Variants in RASSF6 observed in about 807,000 individuals in gnomAD.
RASSF6 encodes Ras association domain family member 6.
Under a neutral mutation model 44.0 loss-of-function variants are expected in RASSF6, and 52 were observed. The observed-to-expected ratio is 1.18, with a 90% confidence interval of 0.95 to 1.49. RASSF6 has a LOEUF of 1.49. RASSF6 is among the 40% of genes most tolerant of loss of function. RASSF6 has a pLI of 0.00. For synonymous variants in RASSF6, 162 were observed against 124.6 expected, an observed-to-expected ratio of 1.30 and a Z score of -2.00; for missense variants, 464 against 393.3, an observed-to-expected ratio of 1.18 and a Z score of -1.52.
chr4:73,618,222 A>C (rs1036851805), intron 1 of RASSF6, among the ~76,000 whole-genome samples: 1 of 152,072 alleles, frequency 6.6e-6, no homozygotes, highest in African/African-American at 2.4e-5. Flanking sequence ...AATAGTTTAT[A>C]ATAAAATGTT....
chr4:73,602,408 C>T (rs923793260), intron 2 of RASSF6, among the ~76,000 whole-genome samples: 3 of 152,292 alleles, frequency 2.0e-5, no homozygotes, highest in African/African-American at 7.2e-5. Flanking sequence ...TGTGCCATGT[C>T]TATAGAAGGT....
At chr4:73,614,497 G>C (rs1279987912) in intron 1 of RASSF6, among the ~76,000 whole-genome samples, 1 of 152,196 alleles carries the variant, frequency 6.6e-6, no homozygotes, top group Non-Finnish European at 1.5e-5. Flanking sequence ...GAACCAGACA[G>C]CTTGCTTCCC....
chr4:73,574,371 GC>G lies in RASSF6; in HGVS notation c.*1863del, dbSNP rs756498702. On this transcript the variant is annotated 3_prime_UTR_variant, in exon 11 of 11. Coordinates refer to ENST00000307439, the MANE Select transcript of RASSF6 (RefSeq NM_177532.5). ...AAGCCCCAAGTCCCTCTGCATATCT[GC>G]CCACCTGCCTCAGCTGGTCCACACC... The G allele has an allele frequency of 6.6e-6, 1 of 152,434 alleles. No individual in the cohort carries two copies. The highest frequency in any genetic ancestry group is 1.5e-5 in the Non-Finnish European group (1 of 68,318). 9.4% of individuals were successfully genotyped at this position (152,434 alleles called of 1,614,324 possible). A position where few individuals can be genotyped will look rare whatever the true frequency, so the allele number is the denominator to read the frequency against.
chr4:73,613,265 C>T (rs373312632), intron 1 of RASSF6, among the ~76,000 whole-genome samples: 14 of 152,326 alleles, frequency 9.2e-5, no homozygotes, highest in African/African-American at 2.9e-4. Flanking sequence ...GACACAGAAG[C>T]TTAGTCACCA....
chr4:73,579,446 A>G (rs1723460985), intron 8 of RASSF6, among the ~76,000 whole-genome samples: 1 of 152,204 alleles, frequency 6.6e-6, no homozygotes, highest in African/African-American at 2.4e-5. Flanking sequence ...AGCCATGGGT[A>G]GAATCATTTT....
rs772032970 is a variant in RASSF6 at position 73,576,722 on chromosome 4, C to T, written c.731G>A (p.Arg244Gln). The T allele has an allele frequency of 1.8e-5, 28 of 1,596,052 alleles. No individual in the cohort carries two copies. The highest frequency in any genetic ancestry group is 6.7e-5 in the African/African-American group (5 of 74,340). ...HIIFATGEQR[R>Q]LKKTDIPLLQ... Reference sequence around the variant, plus strand: ...TAGCGGAATGTCTGTCTTCTTTAGTCGTCTTTGTTCTGCAGTGAAAACAAG... The same window carrying T: ...TAGCGGAATGTCTGTCTTCTTTAGTTGTCTTTGTTCTGCAGTGAAAACAAG... The change falls in exon 9 of 11, where the codon CGA becomes CAA. Residue 244 changes from arginine to glutamine, a missense_variant. Coordinates refer to ENST00000307439, the MANE Select transcript of RASSF6 (RefSeq NM_177532.5).
intron 2 of RASSF6, among the ~76,000 whole-genome samples, chr4:73,600,806 C>T (rs1725234721): frequency 6.6e-6 from 1 of 152,130 alleles, no homozygotes. Flanking sequence ...TGTTAATGAA[C>T]ATGTCTCTTC....
At chr4:73,606,968 C>G (rs565958212) in intron 2 of RASSF6, among the ~76,000 whole-genome samples, 1 of 152,156 alleles carries the variant, frequency 6.6e-6, no homozygotes, top group Non-Finnish European at 1.5e-5. Flanking sequence ...AACCTGAGCA[C>G]GAGCCTGAAA....
At position 73,574,038 on chromosome 4, in the gene RASSF6, C is replaced by T. The variant is rs1723066872; in HGVS notation, c.*2197G>A. 1 of 152,392 alleles carries T rather than the reference C, an allele frequency of 6.6e-6. No individual in the cohort carries two copies. Among genetic ancestry groups the T allele is most frequent in the East Asian group, 1.9e-4 (1 of 5,190 alleles). The allele number at this position is 152,392 out of a possible 1,614,324, so 9.4% of individuals were successfully genotyped here. A position where few individuals can be genotyped will look rare whatever the true frequency, so the allele number is the denominator to read the frequency against. On this transcript the variant is annotated 3_prime_UTR_variant, in exon 11 of 11. Transcript: ENST00000307439. ...GTTGCCTGTAGGGTGCAGCTTTCTC[C>T]AGCATTTCTCCACTTGCTTCTCTAG...
At chr4:73,577,165 G>T (rs562049996) in intron 8 of RASSF6, among the ~76,000 whole-genome samples, 3 of 151,824 alleles carry the variant, frequency 2.0e-5, no homozygotes, top group South Asian at 2.1e-4. Flanking sequence ...CCTTTGTCTC[G>T]CTCCACACCC....
chr4:73,603,719 C>T (rs965385264), intron 2 of RASSF6, among the ~76,000 whole-genome samples: 2 of 152,096 alleles, frequency 1.3e-5, no homozygotes, highest in Non-Finnish European at 2.9e-5. Flanking sequence ...ATTTGGCTGG[C>T]TGGAAGAAAC....
rs763064851 is a variant in RASSF6, at chr4:73,582,308, A to T, written c.568-18T>A. The T allele has an allele frequency of 1.5e-6, 2 of 1,310,968 alleles. No homozygotes were observed. The highest frequency in any genetic ancestry group is 2.2e-6 in the Non-Finnish European group (2 of 926,470). The allele number at this position is 1,310,968 out of a possible 1,614,324, so 81.2% of individuals were successfully genotyped here. A position where few individuals can be genotyped will look rare whatever the true frequency, so the allele number is the denominator to read the frequency against. ...ATTGATGTCTAGAAAAAGAATTGTC[A>T]CATAAGTCTTTAAAATTATATTATA... is the stretch of plus-strand genomic sequence containing the variant. On this transcript the variant is annotated intron_variant, in intron 6 of 10. Coordinates refer to ENST00000307439, the MANE Select transcript of RASSF6 (RefSeq NM_177532.5).
intron 8 of RASSF6, among the ~76,000 whole-genome samples, chr4:73,579,686 C>A (rs1411854102): frequency 6.6e-6 from 1 of 151,736 alleles, no homozygotes; most frequent in Non-Finnish European, 1.5e-5. Context: ...AGTTATTAAT[C>A]TTTGGAGTAC....
chr4:73,595,231 G>A (rs555668273), intron 3 of RASSF6, among the ~76,000 whole-genome samples: 1 of 152,242 alleles, frequency 6.6e-6, no homozygotes, highest in Non-Finnish European at 1.5e-5. Flanking sequence ...GTCTCGCTCT[G>A]TCACCCAGGC....
chr4:73,582,181 A>T lies in RASSF6; in HGVS notation c.669+8T>A. On this transcript the variant is annotated splice_region_variant and intron_variant, in intron 7 of 10. Transcript: ENST00000307439. ...ATATTTATAGCTCAGTTAAGTGATA[A>T]AGGTTACCTTAAATTTTTGGAGAAG... 7.5e-7 allele frequency: 1 copy of T among 1,337,388 alleles called. No homozygotes were observed. Among genetic ancestry groups the T allele is most frequent in the Non-Finnish European group, 1.1e-6 (1 of 946,756 alleles). The allele number at this position is 1,337,388 out of a possible 1,614,324, so 82.8% of individuals were successfully genotyped here.
chr4:73,611,680 C>G, intron 2 of RASSF6, 51 bp downstream of exon 2: 1 of 1,213,484 alleles, frequency 8.2e-7, no homozygotes, highest in Non-Finnish European at 1.2e-6. Flanking sequence ...ACGGTATATT[C>G]CACAAATGAC....
At chr4:73,596,226 T>C (rs530893654) in intron 3 of RASSF6, among the ~76,000 whole-genome samples, 3 of 152,306 alleles carry the variant, frequency 2.0e-5, no homozygotes, top group East Asian at 1.9e-4. Context: ...CATAATCTTA[T>C]ATTGAGAAAA....
chr4:73,617,384 A>C (rs1377814275), intron 1 of RASSF6, among the ~76,000 whole-genome samples: 1 of 152,196 alleles, frequency 6.6e-6, no homozygotes, highest in African/African-American at 2.4e-5. Context: ...AATTTGTATT[A>C]AGGCACTTAA....
At chr4:73,611,669 G>A in intron 2 of RASSF6, 62 bp downstream of exon 2, 1 of 1,030,398 alleles carries the variant, frequency 9.7e-7, no homozygotes, top group Non-Finnish European at 1.5e-6. Flanking sequence ...AGAAAACTTT[G>A]ACGGTATATT....
Sources: gnomAD v4.1 joint callset for allele counts (sites outside exome capture counted in the v4.1 genomes callset) on GRCh38, gnomAD v4.1.1 for gene constraint, MANE v1.5 for transcripts, NCBI Gene and HGNC (gene_info 2026-07-23, HGNC 2026-07-21) for gene names.